The following OGT variants were observed in gnomAD, a reference collection of about 807,000 sequenced individuals.
OGT encodes the protein O-linked N-acetylglucosamine (GlcNAc) transferase, also known as UDP-N-acetylglucosamine--peptide N-acetylglucosaminyltransferase 110 kDa subunit.
In OGT, 3 loss-of-function variants were observed where a neutral mutation model predicts 75.8. That is an observed-to-expected ratio of 0.04 (90% confidence interval 0.02 to 0.10). OGT has a LOEUF of 0.10. Ranked by LOEUF, OGT falls within the 10% of genes least tolerant of loss-of-function variation. The pLI is 1.00. For missense variants in OGT, 260 were observed against 824.4 expected, an observed-to-expected ratio of 0.32 and a Z score of 8.38; for synonymous variants, 257 against 289.7, an observed-to-expected ratio of 0.89 and a Z score of 1.15.
chrX:71,572,066 A>T (rs1405604685), intron 21 of OGT, among the ~76,000 whole-genome samples: 1 of 111,510 alleles, frequency 9.0e-6, no homozygotes, highest in African/African-American at 3.3e-5. Flanking sequence ...ACAGTGCCCA[A>T]CCGAGAAATA....
At chrX:71,573,544 G>A in intron 21 of OGT, 76 bp from the exon 22 acceptor site, 4 of 924,446 alleles carry the variant, frequency 4.3e-6, no homozygotes, top group Non-Finnish European at 5.9e-6. Context: ...CCACAAATGC[G>A]ACTAGGTATT....
chrX:71,555,457 C>T (rs987673841), intron 7 of OGT, 72 bp downstream of exon 7: 2 of 977,080 alleles, frequency 2.0e-6, no homozygotes, highest in Non-Finnish European at 1.4e-6. Flanking sequence ...TGTGGTGGCT[C>T]ACACTTGTAA....
chrX:71,548,046 G>A, intron 5 of OGT, 23 bp downstream of exon 5: 1 of 1,199,560 alleles, frequency 8.3e-7, no homozygotes, highest in Non-Finnish European at 1.1e-6. Context: ...ATTAATAATT[G>A]GTATTTTTGA....
chrX:71,564,822 T>A, intron 19 of OGT, 69 bp downstream of exon 19: 1 of 887,170 alleles, frequency 1.1e-6, no homozygotes, highest in South Asian at 2.4e-5. Context: ...AAGATGGTCC[T>A]TCCACTCCCA....
chrX:71,563,808 CT>C (rs745566806), intron 18 of OGT, among the ~76,000 whole-genome samples: 1 of 112,030 alleles, frequency 8.9e-6, no homozygotes, highest in East Asian at 2.8e-4. Context: ...TAAACCCATC[CT>C]TTCCCTAGCT....
At chrX:71,551,811 G>C (rs1414644805) in intron 5 of OGT, among the ~76,000 whole-genome samples, 1 of 111,667 alleles carries the variant, frequency 9.0e-6, no homozygotes, top group Non-Finnish European at 1.9e-5. Context: ...ACACGGGACA[G>C]GAAACATGTT....
intron 5 of OGT, 125 bp from the exon 6 acceptor site, chrX:71,554,388 G>A: frequency 2.3e-6 from 1 of 443,418 alleles, no homozygotes; most frequent in Admixed American, 3.6e-5. Context: ...ATAAATAATT[G>A]GTTTATTAAA....
At chrX:71,570,870 C>G (rs2040453459) in intron 21 of OGT, among the ~76,000 whole-genome samples, 2 of 110,986 alleles carry the variant, frequency 1.8e-5, no homozygotes, top group Admixed American at 1.9e-4. Flanking sequence ...TCACGGCTCA[C>G]TGCAACCTCT....
chrX:71,541,505 A>G (rs1187209537), intron 3 of OGT, among the ~76,000 whole-genome samples: 1 of 111,739 alleles, frequency 8.9e-6, no homozygotes, highest in African/African-American at 3.3e-5. Flanking sequence ...TGACCCGTAA[A>G]GGAAAAAATG....
chrX:71,556,080 C>T lies in OGT; in HGVS notation c.1051C>T (p.Arg351Cys). Residue 351 changes from arginine (R) to cysteine (C), a missense_variant, in exon 8 of 22, where the codon CGT becomes TGT. By Grantham distance (180) the Arg-to-Cys change is radical. Coordinates refer to ENST00000373719, the MANE Select transcript of OGT (RefSeq NM_181672.3). Reference protein sequence around the residue: ...GNIEEAVRLYRKALEVFPEFA... With the variant: ...GNIEEAVRLYCKALEVFPEFA... The stretch of plus-strand genomic sequence containing the variant: ...CATTGAAGAGGCAGTTCGCTTGTAT[C>T]GTAAAGCATTAGAAGTATGTGAGGG... 3 of 1,209,642 alleles carry T rather than the reference C, an allele frequency of 2.5e-6. No individual in the cohort carries two copies. The highest frequency in any genetic ancestry group is 3.4e-6 in the Non-Finnish European group (3 of 894,975).
rs919079004 is a variant in OGT at position 71,554,668 on chromosome X, T to C, written c.728+76T>C. The stretch of plus-strand genomic sequence containing the variant: ...CACTTGACAGTTTGGACCGAAATGA[T>C]GACAATAGTCCATTGAAGCATATTT... On this transcript the variant is annotated intron_variant, in intron 6 of 21. Transcript: ENST00000373719. The C allele has an allele frequency of 3.4e-5, 27 of 792,917 alleles. No individual in the cohort carries two copies. In the Admixed American group the frequency reaches 6.1e-4, roughly 18 times the overall value. The allele number at this position is 792,917 out of a possible 1,213,427, so 65.3% of individuals were successfully genotyped here.
intron 21 of OGT, among the ~76,000 whole-genome samples, chrX:71,572,498 T>G (rs905777062): frequency 8.9e-6 from 1 of 112,642 alleles, no homozygotes; most frequent in Non-Finnish European, 1.9e-5. Context: ...TTGGGCGTGG[T>G]GGCGCATGCC....
At chrX:71,565,541 A>G (rs1271989549) in intron 19 of OGT, among the ~76,000 whole-genome samples, 1 of 111,970 alleles carries the variant, frequency 8.9e-6, no homozygotes, top group Non-Finnish European at 1.9e-5. Flanking sequence ...GTGCTCATTT[A>G]TAATCTTCAA....
rs778043507 is a variant in OGT, at chrX:71,573,617, C to T, written c.2967-3C>T. The T allele has an allele frequency of 5.9e-6, 7 of 1,179,447 alleles. No homozygotes were observed. The African/African-American group carries it at 1.3e-4, about 21-fold the overall frequency. On this transcript the variant is annotated splice_region_variant and splice_polypyrimidine_tract_variant and intron_variant, in intron 21 of 21. Coordinates refer to ENST00000373719, the MANE Select transcript of OGT (RefSeq NM_181672.3). ...AACTGGGTTCTTGTTTTTTATTACC[C>T]AGCCTGAAGAAAGTTCGTGGCAAAG...
intron 3 of OGT, 57 bp from the exon 4 acceptor site, chrX:71,544,510 G>T (rs1412647917): frequency 9.4e-7 from 1 of 1,064,824 alleles, no homozygotes; most frequent in African/African-American, 1.9e-5. Flanking sequence ...GTGATTTCAA[G>T]ATATTTTTAA....
intron 5 of OGT, among the ~76,000 whole-genome samples, chrX:71,554,188 T>G (rs762871027): frequency 8.9e-6 from 1 of 111,925 alleles, no homozygotes; most frequent in South Asian, 3.7e-4. Flanking sequence ...GCCACTATTT[T>G]TCAGAAGAGT....
intron 4 of OGT, chrX:71,545,623 TTGAC>T (rs751073255): frequency 1.1e-4 from 12 of 112,186 alleles, no homozygotes; most frequent in Non-Finnish European, 2.1e-4. Flanking sequence ...AGCTGTCTGT[TTGAC>T]TGCTTCATCC....
At chrX:71,534,878 G>A (rs1439406659) in intron 1 of OGT, among the ~76,000 whole-genome samples, 1 of 111,871 alleles carries the variant, frequency 8.9e-6, no homozygotes, top group African/African-American at 3.3e-5. Flanking sequence ...TCTCCCAGAT[G>A]TGGATGCAAG....
At chrX:71,547,819 C>T (rs1307666441) in intron 4 of OGT, 88 bp from the exon 5 acceptor site, 1 of 1,108,364 alleles carries the variant, frequency 9.0e-7, no homozygotes, top group Non-Finnish European at 1.2e-6. Flanking sequence ...CCCCCCCTCC[C>T]CCCAATCTTT....
Sources: allele counts gnomAD v4.1 joint callset (sites outside exome capture counted in the v4.1 genomes callset), GRCh38; gene constraint gnomAD v4.1.1; transcripts MANE v1.5; gene names NCBI Gene and HGNC (gene_info 2026-07-23, HGNC 2026-07-21).